IMMP2L: variants seen among roughly 807,000 people sequenced by gnomAD.
IMMP2L encodes the protein mitochondrial inner membrane protease subunit 2.
Under a neutral mutation model 19.3 loss-of-function variants are expected in IMMP2L, and 18 were observed. The observed-to-expected ratio is 0.93, with a 90% CI of 0.64 to 1.38. The LOEUF is 1.38. Ranked by LOEUF, IMMP2L falls within the 40% of genes most tolerant of loss-of-function variation. The pLI is 0.00. For synonymous variants in IMMP2L, 76 were observed against 73.0 expected, an observed-to-expected ratio of 1.04 and a Z score of -0.21; for missense variants, 233 against 218.2, an observed-to-expected ratio of 1.07 and a Z score of -0.43.
At chr7:111,060,231 A>G (rs557743808) in intron 3 of IMMP2L, among the ~76,000 whole-genome samples, 408 of 152,336 alleles carry the variant, frequency 2.7e-3, no homozygotes, top group Middle Eastern at 6.8e-3. Flanking sequence ...TGAAATAGTC[A>G]CTCATTTATC....
At chr7:111,189,439 A>AT (rs1230817792) in intron 3 of IMMP2L, among the ~76,000 whole-genome samples, 1 of 152,038 alleles carries the variant, frequency 6.6e-6, no homozygotes, top group African/African-American at 2.4e-5. Context: ...AATGACCAGA[A>AT]GAACAGCACT....
intron 5 of IMMP2L, among the ~76,000 whole-genome samples, chr7:110,737,926 C>A (rs879129730): frequency 5.9e-5 from 9 of 152,138 alleles, no homozygotes; most frequent in African/African-American, 1.7e-4. Flanking sequence ...AACCTGGTAG[C>A]TCTGCTGCGT....
chr7:110,670,986 C>A (rs1791880895), intron 5 of IMMP2L, among the ~76,000 whole-genome samples: 1 of 152,174 alleles, frequency 6.6e-6, no homozygotes, highest in Admixed American at 6.5e-5. Context: ...TCAATGGATT[C>A]ACATTTTTCA....
intron 5 of IMMP2L, among the ~76,000 whole-genome samples, chr7:110,735,348 C>T (rs1266661609): frequency 6.6e-6 from 1 of 152,042 alleles, no homozygotes; most frequent in East Asian, 1.9e-4. Context: ...TAGCAGAGAG[C>T]TATTCTCTTT....
At chr7:110,888,640 A>C (rs758511785) in intron 4 of IMMP2L, among the ~76,000 whole-genome samples, 3 of 152,212 alleles carry the variant, frequency 2.0e-5, no homozygotes, top group Non-Finnish European at 4.4e-5. Context: ...AGAAAGCAAC[A>C]GCATCATAAA....
intron 3 of IMMP2L, among the ~76,000 whole-genome samples, chr7:111,423,606 TTTC>T (rs1345012624): frequency 6.6e-6 from 1 of 151,896 alleles, no homozygotes; most frequent in Admixed American, 6.6e-5. Context: ...TCTTCTCTCT[TTTC>T]TTCTTTATTA....
chr7:111,556,158 G>C lies in IMMP2L; in HGVS notation c.-3+5693C>G, dbSNP rs954905560. ...GGAGAATAAAACAGTGATCCCAGGG[G>C]AGGGGGAAGGAAATTGAGATGTAGG... On this transcript the variant is annotated intron_variant, in intron 1 of 5. Coordinates refer to ENST00000405709, the MANE Select transcript of IMMP2L (RefSeq NM_032549.4). Among the ~76,000 whole-genome samples, 5 of 151,252 alleles carry C rather than the reference G, an allele frequency of 3.3e-5. No individual in the cohort carries two copies. The South Asian group carries it at 1.0e-3, about 32-fold the overall frequency.
chr7:111,274,272 G>A (rs1437745434), intron 3 of IMMP2L, among the ~76,000 whole-genome samples: 2 of 152,088 alleles, frequency 1.3e-5, no homozygotes, highest in African/African-American at 4.8e-5. Flanking sequence ...TACATAATAT[G>A]AAACATTAAA....
chr7:110,686,686 C>T lies in IMMP2L; in HGVS notation c.409-22965G>A, dbSNP rs187931915. 2.1e-3 allele frequency among the ~76,000 whole-genome samples: 323 copies of T among 152,130 alleles called. 3 individuals carry two copies. The highest frequency in any genetic ancestry group is 7.1e-3 in the African/African-American group (293 of 41,530). On this transcript the variant is annotated intron_variant, in intron 5 of 5. Transcript: ENST00000405709. ...ACCACCCTCATTTCTAATTAGTTTA[C>T]AGATTTTTTCTTGCTTGAATCCATC...
At chr7:111,437,105 G>T (rs1051275203) in intron 3 of IMMP2L, among the ~76,000 whole-genome samples, 1 of 151,572 alleles carries the variant, frequency 6.6e-6, no homozygotes, top group Non-Finnish European at 1.5e-5. Flanking sequence ...TGTATATAAC[G>T]CACTTATTCT....
intron 3 of IMMP2L, among the ~76,000 whole-genome samples, chr7:111,358,291 C>G (rs553412988): frequency 6.6e-6 from 1 of 151,652 alleles, no homozygotes. Context: ...TAACCAGGAA[C>G]TGAGGATAAA....
At chr7:111,010,892 G>C (rs1175875245) in intron 3 of IMMP2L, among the ~76,000 whole-genome samples, 2 of 151,828 alleles carry the variant, frequency 1.3e-5, no homozygotes, top group Non-Finnish European at 2.9e-5. Context: ...AGACAAGTTT[G>C]AGGTATAGCC....
intron 3 of IMMP2L, among the ~76,000 whole-genome samples, chr7:111,367,270 T>A (rs1829859928): frequency 6.6e-6 from 1 of 151,904 alleles, no homozygotes; most frequent in African/African-American, 2.4e-5. Context: ...ATTGTTTTAA[T>A]AATTTCTTCA....
chr7:110,737,211 C>T (rs1346797626), intron 5 of IMMP2L, among the ~76,000 whole-genome samples: 1 of 152,138 alleles, frequency 6.6e-6, no homozygotes, highest in Non-Finnish European at 1.5e-5. Flanking sequence ...CCATGGCAGG[C>T]TCCCTGAGAT....
chr7:111,527,467 A>G (rs1173706681), intron 1 of IMMP2L, among the ~76,000 whole-genome samples: 1 of 151,584 alleles, frequency 6.6e-6, no homozygotes, highest in East Asian at 1.9e-4. Context: ...TCTAAGCCAG[A>G]ATTCTTTATT....
intron 3 of IMMP2L, among the ~76,000 whole-genome samples, chr7:111,107,636 C>T (rs1383994323): frequency 6.6e-6 from 1 of 152,030 alleles, no homozygotes; most frequent in Non-Finnish European, 1.5e-5. Flanking sequence ...AATTGGGGCA[C>T]TAGTAAAGTA....
intron 5 of IMMP2L, among the ~76,000 whole-genome samples, chr7:110,717,742 T>C (rs1795318254): frequency 6.6e-6 from 1 of 152,216 alleles, no homozygotes; most frequent in African/African-American, 2.4e-5. Context: ...AACCTCATGA[T>C]GAATAGCTGC....
At chr7:111,014,051 G>T (rs1825242277) in intron 3 of IMMP2L, among the ~76,000 whole-genome samples, 1 of 152,030 alleles carries the variant, frequency 6.6e-6, no homozygotes, top group African/African-American at 2.4e-5. Context: ...AGAAAAGTAG[G>T]CATATCCATA....
chr7:111,476,417 T>C (rs1841730639), intron 3 of IMMP2L, among the ~76,000 whole-genome samples: 1 of 152,236 alleles, frequency 6.6e-6, no homozygotes, highest in Non-Finnish European at 1.5e-5. Context: ...GAACTGTTTG[T>C]ATTTTTTATT....
Sources: gnomAD v4.1 joint callset for allele counts (sites outside exome capture counted in the v4.1 genomes callset) on GRCh38, gnomAD v4.1.1 for gene constraint, MANE v1.5 for transcripts, NCBI Gene and HGNC (gene_info 2026-07-23, HGNC 2026-07-21) for gene names.